The following LMTK2 variants were observed in gnomAD, a reference collection of about 807,000 sequenced individuals.
The protein encoded by LMTK2 is lemur tail kinase 2.
Under a neutral mutation model 127.5 loss-of-function variants are expected in LMTK2, and 37 were observed. That is an observed-to-expected ratio of 0.29 (90% CI 0.22 to 0.38). The LOEUF (loss-of-function observed/expected upper bound fraction) is 0.38, where lower values mean the gene tolerates loss of function less well. Ranked by LOEUF, LMTK2 falls within the 10% of genes least tolerant of loss-of-function variation. LMTK2 has a pLI of 1.00. For synonymous variants in LMTK2, 819 were observed against 810.1 expected, an observed-to-expected ratio of 1.01 and a Z score of -0.19; for missense variants, 1,694 against 1,920.3, an observed-to-expected ratio of 0.88 and a Z score of 2.20.
intron 6 of LMTK2, among the ~76,000 whole-genome samples, chr7:98,168,390 C>G (rs913434160): frequency 6.6e-6 from 1 of 152,192 alleles, no homozygotes; most frequent in African/African-American, 2.4e-5. Context: ...GGAAGCGAGG[C>G]CCCGGGCTTC....
At chr7:98,204,773 G>T (rs1332193326) in intron 13 of LMTK2, among the ~76,000 whole-genome samples, 1 of 152,260 alleles carries the variant, frequency 6.6e-6, no homozygotes, top group Non-Finnish European at 1.5e-5. Context: ...GAACGCCCAG[G>T]CTGCGCGCCA....
chr7:98,115,909 CAA>C (rs1402562049), intron 1 of LMTK2, among the ~76,000 whole-genome samples: 2 of 152,150 alleles, frequency 1.3e-5, no homozygotes, highest in Non-Finnish European at 2.9e-5. Flanking sequence ...GTTTAAGAGA[CAA>C]AGTCTTGCTC....
chr7:98,196,280 TTC>T (rs2116473106), intron 11 of LMTK2, among the ~76,000 whole-genome samples: 1 of 152,112 alleles, frequency 6.6e-6, no homozygotes, highest in South Asian at 2.1e-4. Context: ...TCTCTTTTCA[TTC>T]CCCAGGTGGT....
chr7:98,132,495 G>C (rs74759794), intron 1 of LMTK2, among the ~76,000 whole-genome samples: 9,170 of 152,072 alleles, frequency 0.06, 640 homozygotes, highest in East Asian at 0.33. Context: ...GCGGTCCCCC[G>C]ACCTTGGCCT....
rs138736007 is a variant in LMTK2, at chr7:98,152,057, G to A, written c.450+602G>A. On this transcript the variant is annotated intron_variant, in intron 4 of 13. Transcript: ENST00000297293. The stretch of plus-strand genomic sequence containing the variant: ...AAGGGAAAAGAGACCTGGAATCTTA[G>A]CAGCTTCAGCTTTGTATCCTTCTCA... Among the ~76,000 whole-genome samples the A allele has an allele frequency of 9.8e-4, 150 of 152,296 alleles. 2 individuals are homozygous for A. Among genetic ancestry groups the A allele is most frequent in the Admixed American group, 1.7e-3 (26 of 15,300 alleles).
chr7:98,137,970 T>C (rs770185867), intron 2 of LMTK2, among the ~76,000 whole-genome samples: 8 of 152,170 alleles, frequency 5.3e-5, no homozygotes, highest in Admixed American at 5.2e-4. Flanking sequence ...AGGAAGATCA[T>C]TGAAACCTCA....
At chr7:98,117,703 A>G (rs527640465) in intron 1 of LMTK2, among the ~76,000 whole-genome samples, 3 of 152,146 alleles carry the variant, frequency 2.0e-5, no homozygotes, top group Non-Finnish European at 2.9e-5. Context: ...GCAGTGGCTC[A>G]TGCCTGTAAT....
At chr7:98,159,952 T>C (rs1464077472) in intron 6 of LMTK2, among the ~76,000 whole-genome samples, 1 of 152,236 alleles carries the variant, frequency 6.6e-6, no homozygotes, top group African/African-American at 2.4e-5. Context: ...ACCTTATTTC[T>C]TAGCATGATA....
chr7:98,165,049 G>A (rs1357661433), intron 6 of LMTK2, among the ~76,000 whole-genome samples: 1 of 152,196 alleles, frequency 6.6e-6, no homozygotes, highest in Non-Finnish European at 1.5e-5. Context: ...GAGGGCATCC[G>A]CTGGCTGTCC....
intron 4 of LMTK2, among the ~76,000 whole-genome samples, chr7:98,152,409 C>T (rs1260754678): frequency 1.3e-5 from 2 of 152,206 alleles, no homozygotes; most frequent in South Asian, 2.1e-4. Context: ...TTCCCTTCAG[C>T]GTTGTCTGTA....
intron 5 of LMTK2, among the ~76,000 whole-genome samples, chr7:98,157,303 TATAGATAG>T (rs1202484045): frequency 6.7e-6 from 1 of 148,908 alleles, no homozygotes; most frequent in South Asian, 2.2e-4. Context: ...GTAGGTAGAT[TATAGATAG>T]ATAGATAGAT....
chr7:98,140,211 G>A (rs1407848249), intron 2 of LMTK2, among the ~76,000 whole-genome samples: 1 of 145,514 alleles, frequency 6.9e-6, no homozygotes, highest in Non-Finnish European at 1.5e-5. Flanking sequence ...AGATGGTCTC[G>A]CTCTATCACC....
chr7:98,137,792 T>C (rs966601972), intron 2 of LMTK2, among the ~76,000 whole-genome samples: 13 of 152,236 alleles, frequency 8.5e-5, no homozygotes, highest in African/African-American at 3.1e-4. Flanking sequence ...TTGAGGTTCT[T>C]GCTGAGTGAG....
intron 11 of LMTK2, 123 bp from the exon 12 acceptor site, chr7:98,203,451 C>T (rs889752414): frequency 9.9e-6 from 13 of 1,315,398 alleles, no homozygotes; most frequent in Non-Finnish European, 1.3e-5. Context: ...TGGAGCCGCC[C>T]TTGTCTTGAG....
Position 98,186,942 on chromosome 7 carries a change from A to C in LMTK2, c.942A>C (p.Val314=). ...FPLRWTAPEL[V]TSFQDRLLTA... ...TGCGATGGACTGCTCCAGAATTAGTAACCAGCTTTCAAGACAGACTGCTAA... is the reference window on the plus strand; with the variant it reads ...TGCGATGGACTGCTCCAGAATTAGTCACCAGCTTTCAAGACAGACTGCTAA... Residue 314 remains valine (V), a synonymous_variant, in exon 9 of 14, where the codon GTA becomes GTC. Coordinates refer to ENST00000297293, the MANE Select transcript of LMTK2 (RefSeq NM_014916.4). The C allele has an allele frequency of 6.2e-7, 1 of 1,613,632 alleles. No individual in the cohort carries two copies. Among genetic ancestry groups the C allele is most frequent in the Non-Finnish European group, 8.5e-7 (1 of 1,179,518 alleles).
At chr7:98,202,361 G>T (rs561342293) in intron 11 of LMTK2, among the ~76,000 whole-genome samples, 1 of 152,250 alleles carries the variant, frequency 6.6e-6, no homozygotes, top group East Asian at 1.9e-4. Flanking sequence ...AGTTGTAGGA[G>T]CATTTTTATA....
intron 3 of LMTK2, among the ~76,000 whole-genome samples, chr7:98,146,911 T>C (rs1412250036): frequency 6.6e-6 from 1 of 152,248 alleles, no homozygotes; most frequent in Non-Finnish European, 1.5e-5. Context: ...AGGACTCCCA[T>C]TAGCTTTTGT....
chr7:98,141,555 G>A lies in LMTK2; in HGVS notation c.376+14G>A. The A allele has an allele frequency of 6.2e-7, 1 of 1,608,436 alleles. No individual in the cohort carries two copies. Among genetic ancestry groups the A allele is most frequent in the African/African-American group, 1.3e-5 (1 of 74,754 alleles). ...AGCCTTCTGTAGGTAAGACCATACA[G>A]CCTAATGCCACGTTTTCATGAATTG... On this transcript the variant is annotated intron_variant, in intron 3 of 13. Coordinates refer to ENST00000297293, the MANE Select transcript of LMTK2 (RefSeq NM_014916.4).
intron 2 of LMTK2, among the ~76,000 whole-genome samples, chr7:98,141,024 T>C (rs1337082458): frequency 1.3e-5 from 2 of 148,554 alleles, no homozygotes; most frequent in African/African-American, 2.5e-5. Context: ...GCCACTGTGC[T>C]CCAGTCACTG....
Sources: gnomAD v4.1 joint callset for allele counts (sites outside exome capture counted in the v4.1 genomes callset) on GRCh38, gnomAD v4.1.1 for gene constraint, MANE v1.5 for transcripts, NCBI Gene and HGNC (gene_info 2026-07-23, HGNC 2026-07-21) for gene names.